CTNNA3: variants seen among roughly 807,000 people sequenced by gnomAD.
CTNNA3 encodes the protein catenin alpha-3.
Under a neutral mutation model 95.7 loss-of-function variants are expected in CTNNA3, and 76 were observed. The observed-to-expected ratio is 0.79, with a 90% CI of 0.66 to 0.96. The LOEUF is 0.96. Among genes scored for constraint, CTNNA3 ranks in the 40% least tolerant of loss-of-function variants. The pLI, the probability that CTNNA3 is intolerant of heterozygous loss-of-function variation, is 0.00. For missense variants in CTNNA3, 1,191 were observed against 1,089.8 expected (o/e 1.09, Z -1.31); for synonymous variants, 431 against 374.4 (o/e 1.15, Z -1.74).
chr10:66,542,325 G>C (rs190512715), intron 10 of CTNNA3, among the ~76,000 whole-genome samples: 5,856 of 152,170 alleles, frequency 0.038, 130 homozygotes, highest in Middle Eastern at 0.078. Flanking sequence ...GTGGAAGACA[G>C]TGTGGTGATT....
chr10:66,011,580 C>A (rs2079005773), intron 15 of CTNNA3, among the ~76,000 whole-genome samples: 1 of 152,068 alleles, frequency 6.6e-6, no homozygotes, highest in Admixed American at 6.6e-5. Flanking sequence ...AGATTATTAG[C>A]CCCAATTACA....
intron 5 of CTNNA3, among the ~76,000 whole-genome samples, chr10:67,382,054 G>A (rs1328486197): frequency 6.6e-6 from 1 of 152,150 alleles, no homozygotes; most frequent in Non-Finnish European, 1.5e-5. Flanking sequence ...CACAGAAGCT[G>A]TTTGACTAAC....
At chr10:66,628,432 G>A (rs7916627) in intron 9 of CTNNA3, among the ~76,000 whole-genome samples, 4,490 of 152,138 alleles carry the variant, frequency 0.03, 223 homozygotes, top group African/African-American at 0.1. Context: ...AAAGTCCTTA[G>A]GTTATTAAAC....
chr10:67,516,726 A>G (rs1007579222), intron 5 of CTNNA3, among the ~76,000 whole-genome samples: 2 of 152,192 alleles, frequency 1.3e-5, no homozygotes, highest in African/African-American at 4.8e-5. Flanking sequence ...CTTATAAGTG[A>G]AAATGTGTAC....
At chr10:66,759,677 G>T (rs933012350) in intron 9 of CTNNA3, among the ~76,000 whole-genome samples, 2 of 152,148 alleles carry the variant, frequency 1.3e-5, no homozygotes, top group Non-Finnish European at 2.9e-5. Context: ...ACCTAGAACT[G>T]CACTGTCTGA....
intron 5 of CTNNA3, among the ~76,000 whole-genome samples, chr10:67,332,526 C>T (rs887822860): frequency 6.6e-6 from 1 of 152,082 alleles, no homozygotes; most frequent in Non-Finnish European, 1.5e-5. Flanking sequence ...TTTAAATAAG[C>T]AGGAGGTTCA....
intron 3 of CTNNA3, among the ~76,000 whole-genome samples, chr10:67,545,202 C>T (rs10762172): frequency 0.21 from 32,644 of 152,004 alleles, 6,145 homozygotes; most frequent in African/African-American, 0.51. Flanking sequence ...TTTGATGGGG[C>T]TAGTTTCTAT....
chr10:67,744,319 A>G (rs1841360945), intron 1 of CTNNA3, among the ~76,000 whole-genome samples: 1 of 151,310 alleles, frequency 6.6e-6, no homozygotes, highest in Non-Finnish European at 1.5e-5. Flanking sequence ...AGATCAATGG[A>G]ACAGACCAGA....
chr10:66,048,530 A>G (rs1368785106), intron 15 of CTNNA3, among the ~76,000 whole-genome samples: 5 of 152,176 alleles, frequency 3.3e-5, no homozygotes, highest in Admixed American at 3.3e-4. Flanking sequence ...GGAGGCTGAG[A>G]CGGGCGGATC....
chr10:66,567,635 A>T (rs1564537985), intron 10 of CTNNA3, among the ~76,000 whole-genome samples: 1 of 151,876 alleles, frequency 6.6e-6, no homozygotes, highest in Non-Finnish European at 1.5e-5. Flanking sequence ...AAAATAAAAT[A>T]AAAATAAACG....
chr10:65,970,399 T>C (rs990445149), intron 16 of CTNNA3, among the ~76,000 whole-genome samples: 3 of 152,016 alleles, frequency 2.0e-5, no homozygotes, highest in African/African-American at 4.8e-5. Context: ...TACAACTTCA[T>C]GATAGGATCA....
At chr10:67,092,308 A>T (rs1379767080) in intron 7 of CTNNA3, among the ~76,000 whole-genome samples, 1 of 151,996 alleles carries the variant, frequency 6.6e-6, no homozygotes, top group Non-Finnish European at 1.5e-5. Context: ...ATGAGTAGAG[A>T]TATTTATACA....
At chr10:66,863,099 T>C (rs898551165) in intron 7 of CTNNA3, among the ~76,000 whole-genome samples, 3 of 151,824 alleles carry the variant, frequency 2.0e-5, no homozygotes, top group African/African-American at 7.3e-5. Flanking sequence ...AAGGACATCA[T>C]TGACTTTCTT....
At chr10:67,438,672 G>T (rs961613816) in intron 5 of CTNNA3, among the ~76,000 whole-genome samples, 2 of 152,244 alleles carry the variant, frequency 1.3e-5, no homozygotes, top group Non-Finnish European at 2.9e-5. Context: ...TTGAATTGCT[G>T]GTGCCACCCC....
intron 7 of CTNNA3, among the ~76,000 whole-genome samples, chr10:67,056,289 G>A (rs1855424166): frequency 6.6e-6 from 1 of 152,136 alleles, no homozygotes; most frequent in Admixed American, 6.6e-5. Context: ...ATATGTTTGG[G>A]AATTCCTTTG....
Position 66,413,850 on chromosome 10 carries a change from C to T in CTNNA3, c.1532-34498G>A, listed in dbSNP as rs189223503. Among the ~76,000 whole-genome samples the T allele has an allele frequency of 1.3e-3, 197 of 152,270 alleles. 1 individual carries two copies. The highest frequency in any genetic ancestry group is 4.5e-3 in the African/African-American group (188 of 41,552). On this transcript the variant is annotated intron_variant, in intron 11 of 17. Coordinates refer to ENST00000433211, the MANE Select transcript of CTNNA3 (RefSeq NM_013266.4). The stretch of plus-strand genomic sequence containing the variant: ...ATTTATGTCTGATCACAATTTCCCA[C>T]GTTTAAATATCCACAATCAACAATA...
chr10:67,085,957 T>G (rs12764057), intron 7 of CTNNA3, among the ~76,000 whole-genome samples: 53,567 of 151,728 alleles, frequency 0.35, 9,803 homozygotes, highest in Middle Eastern at 0.53. Context: ...AGAAGATCTT[T>G]CCCTCCACTC....
intron 15 of CTNNA3, among the ~76,000 whole-genome samples, chr10:66,020,668 A>AT (rs10687414): frequency 0.45 from 61,391 of 136,446 alleles, 14,819 homozygotes; most frequent in East Asian, 0.79. Flanking sequence ...GATGATCTGA[A>AT]TTTTTTTTTT....
At position 66,735,060 on chromosome 10, in the gene CTNNA3, A is replaced by G. The variant is rs548302578; in HGVS notation, c.1281+31204T>C. Among the ~76,000 whole-genome samples the G allele has an allele frequency of 2.2e-4, 33 of 151,606 alleles. No homozygotes were observed. The East Asian group carries it at 2.3e-3, about 11-fold the overall frequency. ...TATTGATAAAACAATATTTTTTATT[A>G]TATATTATTAAAGTAAGTTATTCTG... On this transcript the variant is annotated intron_variant, in intron 9 of 17. Transcript: ENST00000433211.
Sources: allele counts gnomAD v4.1 joint callset (sites outside exome capture counted in the v4.1 genomes callset), GRCh38; gene constraint gnomAD v4.1.1; transcripts MANE v1.5; gene names NCBI Gene and HGNC (gene_info 2026-07-23, HGNC 2026-07-21).